MYO6: variants seen among roughly 807,000 people sequenced by gnomAD.
The protein encoded by MYO6 is myosin VI.
A neutral mutation model predicts 178.7 loss-of-function variants in MYO6; 74 were observed. That is an observed-to-expected ratio of 0.41 (90% CI 0.34 to 0.50). MYO6 has a LOEUF of 0.50. MYO6 is among the 20% of genes least tolerant of loss of function. MYO6 has a pLI of 0.09. For missense variants in MYO6, 1,330 were observed against 1,547.4 expected (o/e 0.86, Z 2.36); for synonymous variants, 477 against 504.6 (o/e 0.95, Z 0.73).
chr6:75,775,577 T>A (rs1432516464), intron 1 of MYO6, among the ~76,000 whole-genome samples: 1 of 152,204 alleles, frequency 6.6e-6, no homozygotes, highest in African/African-American at 2.4e-5. Context: ...GCTGTGCTGC[T>A]TATCTGTTGA....
In MYO6 at chr6:75,895,221, C is replaced by A. The variant is rs201564622; in HGVS notation, c.3108-10C>A. 10 of 1,597,980 alleles carry A rather than the reference C, an allele frequency of 6.3e-6. No individual in the cohort carries two copies. The highest frequency in any genetic ancestry group is 8.6e-6 in the Non-Finnish European group (10 of 1,166,732). The stretch of plus-strand genomic sequence containing the variant: ...GTTACGATATTAACTAAAATATATT[C>A]TTTTCACAGAAATGATGGAACAAGA... On this transcript the variant is annotated splice_polypyrimidine_tract_variant and intron_variant, in intron 28 of 34. Coordinates refer to ENST00000369977, the MANE Select transcript of MYO6 (RefSeq NM_004999.4).
rs143145310 is a variant in MYO6, at chr6:75,904,706, C to T, written c.3177-2899C>T. 5.4e-3 allele frequency among the ~76,000 whole-genome samples: 828 copies of T among 152,302 alleles called. 6 individuals carry two copies. Among genetic ancestry groups the T allele is most frequent in the African/African-American group, 0.018 (750 of 41,558 alleles). On this transcript the variant is annotated intron_variant, in intron 30 of 34. Coordinates refer to ENST00000369977, the MANE Select transcript of MYO6 (RefSeq NM_004999.4). Reference sequence around the variant, plus strand: ...CCGTAGCTCGGAGTAATTTGGTCGTCTGAAGCCTTCTTCTCTCAGCTCGTC... The same window carrying T: ...CCGTAGCTCGGAGTAATTTGGTCGTTTGAAGCCTTCTTCTCTCAGCTCGTC...
chr6:75,842,546 TA>T (rs1179780862), intron 9 of MYO6, among the ~76,000 whole-genome samples: 2 of 152,324 alleles, frequency 1.3e-5, no homozygotes, highest in Non-Finnish European at 2.9e-5. Context: ...TTGCAAATTT[TA>T]AAAGTCTGTT....
At chr6:75,842,795 C>G (rs967288786) in intron 9 of MYO6, among the ~76,000 whole-genome samples, 2 of 152,118 alleles carry the variant, frequency 1.3e-5, no homozygotes, top group African/African-American at 4.8e-5. Flanking sequence ...AGTGATGTGA[C>G]TGTTCTGGCC....
chr6:75,789,865 T>C (rs887911223), intron 1 of MYO6, among the ~76,000 whole-genome samples: 2 of 152,222 alleles, frequency 1.3e-5, no homozygotes, highest in Admixed American at 1.3e-4. Flanking sequence ...TTTGTACCCA[T>C]TGAACAACCT....
chr6:75,833,033 G>A (rs980146940), intron 6 of MYO6, 86 bp downstream of exon 6: 20 of 878,876 alleles, frequency 2.3e-5, no homozygotes, highest in Non-Finnish European at 3.6e-5. Context: ...GTCACCCAGG[G>A]TGGAATGCAG....
chr6:75,840,372 A>C (rs1384608396), intron 7 of MYO6, among the ~76,000 whole-genome samples: 1 of 152,038 alleles, frequency 6.6e-6, no homozygotes, highest in Admixed American at 6.6e-5. Context: ...CATCTTGGCC[A>C]GGTTGGTCTC....
At position 75,848,632 on chromosome 6, in the gene MYO6, C is replaced by G. The variant is rs552038286; in HGVS notation, c.1078+101C>G. The stretch of plus-strand genomic sequence containing the variant: ...TCTTTATATGCAGTTTGCTTAAAAA[C>G]TTTAAGAAATATCTAAAATATACTG... On this transcript the variant is annotated intron_variant, in intron 11 of 34. Transcript: ENST00000369977. 4.5e-5 allele frequency: 53 copies of G among 1,187,914 alleles called. No individual in the cohort carries two copies. The African/African-American group carries it at 8.0e-4, about 18-fold the overall frequency. 73.6% of individuals were successfully genotyped at this position (1,187,914 alleles called of 1,614,324 possible). A position where few individuals can be genotyped will look rare whatever the true frequency, so the allele number is the denominator to read the frequency against.
intron 1 of MYO6, among the ~76,000 whole-genome samples, chr6:75,810,083 C>CA (rs60265510): frequency 0.31 from 23,706 of 76,590 alleles, 3,723 homozygotes; most frequent in African/African-American, 0.47. Context: ...GACTCTGTCT[C>CA]AAAAAAAAAA....
chr6:75,835,535 G>A (rs981533576), intron 6 of MYO6, among the ~76,000 whole-genome samples: 26 of 152,074 alleles, frequency 1.7e-4, no homozygotes, highest in African/African-American at 6.3e-4. Context: ...AGGTTCAAGC[G>A]ATTCTCCTGC....
chr6:75,899,420 C>T (rs1266613733), intron 30 of MYO6, among the ~76,000 whole-genome samples: 2 of 151,954 alleles, frequency 1.3e-5, no homozygotes, highest in Non-Finnish European at 1.5e-5. Context: ...ACTCCCAGAA[C>T]AGCTTAAAAA....
At position 75,861,044 on chromosome 6, in the gene MYO6, G is replaced by A; in HGVS notation, c.1495G>A (p.Glu499Lys). ...TTAGGAACAAGAACTCTATCAAAAA[G>A]AAGGTTTAGGTGTTAATGAAGTGCA... ...LKEEQELYQK[E>K]GLGVNEVHYV... The change falls in exon 15 of 35, where the codon GAA (glutamate) becomes AAA (lysine). Residue 499 changes from glutamate (E) to lysine (K), a missense_variant. Transcript: ENST00000369977. 6.2e-7 allele frequency: 1 copy of A among 1,607,492 alleles called. No homozygotes were observed. The highest frequency in any genetic ancestry group is 8.5e-7 in the Non-Finnish European group (1 of 1,174,304).
intron 1 of MYO6, among the ~76,000 whole-genome samples, chr6:75,773,964 A>T (rs754906998): frequency 8.5e-5 from 13 of 152,188 alleles, no homozygotes; most frequent in Non-Finnish European, 1.6e-4. Context: ...TTAAAAATTA[A>T]ATGCATTTTC....
intron 1 of MYO6, among the ~76,000 whole-genome samples, chr6:75,778,091 C>T (rs1201574992): frequency 6.6e-6 from 1 of 151,926 alleles, no homozygotes; most frequent in African/African-American, 2.4e-5. Flanking sequence ...AACTCCTGGG[C>T]TTGAGTGATC....
chr6:75,831,666 C>T (rs1022807907), intron 5 of MYO6, among the ~76,000 whole-genome samples: 3 of 151,846 alleles, frequency 2.0e-5, no homozygotes, highest in Non-Finnish European at 2.9e-5. Context: ...TCGGGGAGGG[C>T]GGATCGCTTG....
At position 75,771,824 on chromosome 6, in the gene MYO6, C is replaced by A. The variant is rs149911180; in HGVS notation, c.-48+22401C>A. ...TCAAAGATCCCCAGGTAGTTCCAAT[C>A]TGCAGTTCAATTACTTATCTTTTTT... On this transcript the variant is annotated intron_variant, in intron 1 of 34. Coordinates refer to ENST00000369977, the MANE Select transcript of MYO6 (RefSeq NM_004999.4). Among the ~76,000 whole-genome samples, 40 of 152,276 alleles carry A rather than the reference C, an allele frequency of 2.6e-4. No individual in the cohort carries two copies. In the East Asian group the frequency reaches 6.6e-3, roughly 25 times the overall value.
chr6:75,790,370 TCTC>T (rs1001584081), intron 1 of MYO6, among the ~76,000 whole-genome samples: 1 of 151,792 alleles, frequency 6.6e-6, no homozygotes, highest in African/African-American at 2.4e-5. Flanking sequence ...ATAGTATCTC[TCTC>T]CTTTTTTTTT....
intron 11 of MYO6, among the ~76,000 whole-genome samples, chr6:75,854,010 A>G (rs958347069): frequency 6.6e-6 from 1 of 152,168 alleles, no homozygotes; most frequent in Non-Finnish European, 1.5e-5. Context: ...TCACATAGCT[A>G]GTAGTTGTAG....
At chr6:75,891,189 TTC>T in intron 26 of MYO6, 37 bp from the exon 27 acceptor site, 1 of 1,382,828 alleles carries the variant, frequency 7.2e-7, no homozygotes, top group East Asian at 2.5e-5. Context: ...ATTCTTTATT[TTC>T]TGTTAAATTT....
Sources: allele counts gnomAD v4.1 joint callset (sites outside exome capture counted in the v4.1 genomes callset), GRCh38; gene constraint gnomAD v4.1.1; transcripts MANE v1.5; gene names NCBI Gene and HGNC (gene_info 2026-07-23, HGNC 2026-07-21).